The following CFAP54 variants were observed in gnomAD, a reference collection of about 807,000 sequenced individuals.
The protein encoded by CFAP54 is cilia- and flagella-associated protein 54.
Under a neutral mutation model 370.4 loss-of-function variants are expected in CFAP54, and 290 were observed. That is an observed-to-expected ratio of 0.78 (90% CI 0.71 to 0.86). The LOEUF (loss-of-function observed/expected upper bound fraction) is 0.86. Among genes scored for constraint, CFAP54 ranks in the 40% least tolerant of loss-of-function variants. The pLI is 0.00. For missense variants in CFAP54, 3,399 were observed against 3,528.7 expected (o/e 0.96, Z 0.93); for synonymous variants, 1,206 against 1,236.5 (o/e 0.98, Z 0.52).
intron 4 of CFAP54, among the ~76,000 whole-genome samples, chr12:96,508,624 A>T: frequency 6.9e-6 from 1 of 145,486 alleles, no homozygotes. Flanking sequence ...TTATTTCTGT[A>T]TCCTTGATAT....
At chr12:96,716,202 C>T (rs1957676445) in intron 48 of CFAP54, among the ~76,000 whole-genome samples, 1 of 152,184 alleles carries the variant, frequency 6.6e-6, no homozygotes, top group African/African-American at 2.4e-5. Flanking sequence ...ATCGTTTCCT[C>T]AGTATTTCTA....
intron 65 of CFAP54, among the ~76,000 whole-genome samples, chr12:96,825,857 A>G (rs1959094564): frequency 7.3e-6 from 1 of 136,498 alleles, no homozygotes; most frequent in Admixed American, 7.8e-5. Context: ...TAATATATAA[A>G]TTAATATATA....
Position 96,811,847 on chromosome 12 carries a change from G to A in CFAP54, c.8957+5G>A, listed in dbSNP as rs753569320. On this transcript the variant is annotated splice_donor_5th_base_variant and intron_variant, in intron 64 of 67. Transcript: ENST00000524981. Reference sequence around the variant, plus strand: ...TTTATGGATTCCACTGAATAGGCAAGTAAAAATTCCACAACTCGAATTGTC... The same window carrying A: ...TTTATGGATTCCACTGAATAGGCAAATAAAAATTCCACAACTCGAATTGTC... 2 of 1,435,900 alleles carry A rather than the reference G, an allele frequency of 1.4e-6. No individual in the cohort carries two copies. Among genetic ancestry groups the A allele is most frequent in the Non-Finnish European group, 1.8e-6 (2 of 1,081,804 alleles). The allele number at this position is 1,435,900 out of a possible 1,614,324, so 88.9% of individuals were successfully genotyped here. A position where few individuals can be genotyped will look rare whatever the true frequency, so the allele number is the denominator to read the frequency against.
intron 64 of CFAP54, among the ~76,000 whole-genome samples, chr12:96,813,904 G>C (rs1592779322): frequency 6.6e-6 from 1 of 152,212 alleles, no homozygotes; most frequent in East Asian, 1.9e-4. Context: ...GGAGGACAGG[G>C]AAGTGAGGGG....
At chr12:96,691,005 A>G in intron 43 of CFAP54, 123 bp from the exon 44 acceptor site, 1 of 755,956 alleles carries the variant, frequency 1.3e-6, no homozygotes, top group South Asian at 1.8e-5. Context: ...CATTTATTAC[A>G]AAGTACAGTG....
chr12:96,603,299 C>T (rs1008287415), intron 26 of CFAP54, among the ~76,000 whole-genome samples: 3 of 152,202 alleles, frequency 2.0e-5, no homozygotes, highest in African/African-American at 7.2e-5. Flanking sequence ...TCTCTTCTGG[C>T]TTGTAGGGTT....
chr12:96,622,174 T>C (rs1015658681), intron 27 of CFAP54, among the ~76,000 whole-genome samples: 1 of 152,180 alleles, frequency 6.6e-6, no homozygotes, highest in Non-Finnish European at 1.5e-5. Context: ...TTCTCTTCTT[T>C]ATGAGACTGC....
intron 38 of CFAP54, among the ~76,000 whole-genome samples, chr12:96,663,100 A>T (rs1403837343): frequency 6.6e-6 from 1 of 152,200 alleles, no homozygotes; most frequent in Admixed American, 6.5e-5. Context: ...AGGAAGCTGG[A>T]GAAATAGAAA....
Position 96,534,060 on chromosome 12 carries a change from A to G in CFAP54, c.1540-2A>G, listed in dbSNP as rs777763852. 8 of 1,515,496 alleles carry G rather than the reference A, an allele frequency of 5.3e-6. No individual in the cohort carries two copies. Among genetic ancestry groups the G allele is most frequent in the East Asian group, 2.5e-5 (1 of 40,672 alleles). 93.9% of individuals were successfully genotyped at this position (1,515,496 alleles called of 1,614,324 possible). A position where few individuals can be genotyped will look rare whatever the true frequency, so the allele number is the denominator to read the frequency against. ...TTAACGTGTGGGATATACTTCCCCAAGAGGCAGGATGATCCAGAGTCAAAG... is the reference window on the plus strand; with the variant it reads ...TTAACGTGTGGGATATACTTCCCCAGGAGGCAGGATGATCCAGAGTCAAAG... On this transcript the variant is annotated splice_acceptor_variant, in intron 10 of 67. Coordinates refer to ENST00000524981, the MANE Select transcript of CFAP54 (RefSeq NM_001306084.2). LOFTEE classifies it high-confidence loss of function.
At chr12:96,802,225 C>T (rs1250992948) in intron 63 of CFAP54, among the ~76,000 whole-genome samples, 1 of 152,120 alleles carries the variant, frequency 6.6e-6, no homozygotes, top group Non-Finnish European at 1.5e-5. Flanking sequence ...GAGATCGAGA[C>T]TCAAGCAGAC....
intron 32 of CFAP54, among the ~76,000 whole-genome samples, chr12:96,638,708 G>T (rs938606344): frequency 4.6e-5 from 7 of 152,176 alleles, no homozygotes; most frequent in Non-Finnish European, 8.8e-5. Context: ...AGAACTCTTT[G>T]TTTATTGATG....
chr12:96,868,854 C>T (rs1269164067), intron 67 of CFAP54, among the ~76,000 whole-genome samples: 2 of 152,040 alleles, frequency 1.3e-5, no homozygotes, highest in Non-Finnish European at 2.9e-5. Context: ...CAAGTAAATA[C>T]AGTGCTTTAC....
chr12:96,815,829 CATTG>C (rs1958969055), intron 64 of CFAP54, among the ~76,000 whole-genome samples: 1 of 152,174 alleles, frequency 6.6e-6, no homozygotes. Context: ...ATCCTTTCCC[CATTG>C]ATTGTTTTTG....
At chr12:96,561,518 G>A (rs1474459846) in intron 17 of CFAP54, among the ~76,000 whole-genome samples, 3 of 151,696 alleles carry the variant, frequency 2.0e-5, no homozygotes, top group Non-Finnish European at 4.4e-5. Flanking sequence ...TTTGCTTTCT[G>A]TGCAACAAAA....
chr12:96,569,442 T>C (rs150102963), intron 19 of CFAP54, among the ~76,000 whole-genome samples: 250 of 152,322 alleles, frequency 1.6e-3, no homozygotes, highest in Non-Finnish European at 2.8e-3. Context: ...TTGTCTTCTC[T>C]AAGGAAATGT....
chr12:96,844,306 A>C (rs1383406080), intron 66 of CFAP54, among the ~76,000 whole-genome samples: 1 of 152,146 alleles, frequency 6.6e-6, no homozygotes, highest in East Asian at 1.9e-4. Flanking sequence ...TTGACACCAG[A>C]AGAGGAGACG....
intron 47 of CFAP54, among the ~76,000 whole-genome samples, chr12:96,707,453 A>G (rs947785717): frequency 2.0e-5 from 3 of 152,146 alleles, no homozygotes; most frequent in Admixed American, 2.0e-4. Flanking sequence ...GTTAAGACGT[A>G]GGGATGGAGT....
At chr12:96,773,016 CA>C (rs5800270) in intron 60 of CFAP54, among the ~76,000 whole-genome samples, 58,770 of 151,962 alleles carry the variant, frequency 0.39, 12,140 homozygotes, top group South Asian at 0.54. Context: ...CTCCCAGAGT[CA>C]TTTTCTTGTG....
Position 96,614,330 on chromosome 12 carries a change from C to T in CFAP54, c.3640-7260C>T, listed in dbSNP as rs995823020. ...ATTCAACAGCCCTTCATGCTAAGAA[C>T]TCTCAATAAATTAGGTATTGATGGG... On this transcript the variant is annotated intron_variant, in intron 26 of 67. Coordinates refer to ENST00000524981, the MANE Select transcript of CFAP54 (RefSeq NM_001306084.2). Among the ~76,000 whole-genome samples, 450 of 152,284 alleles carry T rather than the reference C, an allele frequency of 3.0e-3. 5 individuals carry two copies. The highest frequency in any genetic ancestry group is 3.1e-3 in the South Asian group (15 of 4,822).
Sources: allele counts gnomAD v4.1 joint callset (sites outside exome capture counted in the v4.1 genomes callset), GRCh38; gene constraint gnomAD v4.1.1; transcripts MANE v1.5; gene names NCBI Gene and HGNC (gene_info 2026-07-23, HGNC 2026-07-21).